Variants in CTNNA2 observed in about 807,000 individuals in gnomAD.
CTNNA2 encodes catenin alpha-2.
Under a neutral mutation model 101.0 loss-of-function variants are expected in CTNNA2, and 42 were observed. The observed-to-expected ratio is 0.42, with a 90% confidence interval of 0.32 to 0.54. The LOEUF is 0.54. Ranked by LOEUF, CTNNA2 falls within the 20% of genes least tolerant of loss-of-function variation. CTNNA2 has a pLI of 0.14. For synonymous variants in CTNNA2, 450 were observed against 456.4 expected, an observed-to-expected ratio of 0.99 and a Z score of 0.18; for missense variants, 871 against 1,223.1, an observed-to-expected ratio of 0.71 and a Z score of 4.29.
chr2:79,728,499 C>T lies in CTNNA2; in HGVS notation c.103-15888C>T, dbSNP rs192251715. ...AGCCCTTTGTCAGATGAGTAGATTGCGAAAATTGTCTCCCATTTTGTAGGT... is the reference window on the plus strand; with the variant it reads ...AGCCCTTTGTCAGATGAGTAGATTGTGAAAATTGTCTCCCATTTTGTAGGT... On this transcript the variant is annotated intron_variant, in intron 2 of 18. Coordinates refer to ENST00000402739, the MANE Select transcript of CTNNA2 (RefSeq NM_001282597.3). 1.6e-3 allele frequency among the ~76,000 whole-genome samples: 237 copies of T among 152,176 alleles called. 2 individuals are homozygous for T. Among genetic ancestry groups the T allele is most frequent in the East Asian group, 7.7e-4 (4 of 5,164 alleles).
chr2:80,160,048 A>T (rs2121307), intron 7 of CTNNA2, among the ~76,000 whole-genome samples: 21,187 of 152,124 alleles, frequency 0.14, 3,699 homozygotes, highest in African/African-American at 0.41. Context: ...CCTATGGAGA[A>T]CCAATTGCTC....
intron 7 of CTNNA2, among the ~76,000 whole-genome samples, chr2:80,010,008 C>A (rs984447658): frequency 6.6e-6 from 1 of 152,092 alleles, no homozygotes; most frequent in African/African-American, 2.4e-5. Context: ...ATAAAATTGC[C>A]ACCTACCTCC....
chr2:79,915,090 G>C (rs570730863), intron 7 of CTNNA2, among the ~76,000 whole-genome samples: 208 of 151,884 alleles, frequency 1.4e-3, no homozygotes, highest in Non-Finnish European at 2.4e-3. Context: ...CACTAGATGA[G>C]TAATACATGA....
chr2:79,953,209 A>G (rs897771007), intron 7 of CTNNA2, among the ~76,000 whole-genome samples: 1 of 152,124 alleles, frequency 6.6e-6, no homozygotes, highest in Non-Finnish European at 1.5e-5. Flanking sequence ...CTCTTCTGGA[A>G]GGTAGATTCC....
chr2:80,323,269 C>T (rs1281655742), intron 7 of CTNNA2, among the ~76,000 whole-genome samples: 2 of 152,188 alleles, frequency 1.3e-5, no homozygotes, highest in African/African-American at 4.8e-5. Context: ...TGTAATAGGG[C>T]TCCGAACAGG....
At chr2:80,263,277 A>G (rs1672755406) in intron 7 of CTNNA2, among the ~76,000 whole-genome samples, 1 of 152,226 alleles carries the variant, frequency 6.6e-6, no homozygotes, top group African/African-American at 2.4e-5. Context: ...ACTATTCTGC[A>G]CACGAGGAAA....
intron 7 of CTNNA2, among the ~76,000 whole-genome samples, chr2:80,391,665 C>T (rs1677530710): frequency 6.6e-6 from 1 of 152,192 alleles, no homozygotes; most frequent in Non-Finnish European, 1.5e-5. Context: ...TGTGGCAGAT[C>T]TGAACTTGGA....
chr2:80,236,576 C>G (rs1253899141), intron 7 of CTNNA2, among the ~76,000 whole-genome samples: 1 of 152,114 alleles, frequency 6.6e-6, no homozygotes, highest in Non-Finnish European at 1.5e-5. Context: ...ACAAGGGATA[C>G]TGGGAAATGT....
At chr2:80,377,457 A>G (rs1376918532) in intron 7 of CTNNA2, among the ~76,000 whole-genome samples, 1 of 152,208 alleles carries the variant, frequency 6.6e-6, no homozygotes. Context: ...TCTGCAGATG[A>G]GAACTGAGAT....
At chr2:79,793,914 A>G (rs925128629) in intron 3 of CTNNA2, among the ~76,000 whole-genome samples, 2 of 150,248 alleles carry the variant, frequency 1.3e-5, no homozygotes, top group Non-Finnish European at 1.5e-5. Flanking sequence ...ACACACACAC[A>G]CACACAGAAG....
chr2:79,854,617 G>A lies in CTNNA2; in HGVS notation c.299-3396G>A, dbSNP rs575822138. Among the ~76,000 whole-genome samples, 6 of 152,264 alleles carry A rather than the reference G, an allele frequency of 3.9e-5. No homozygotes were observed. In the East Asian group the frequency reaches 9.7e-4, roughly 25 times the overall value. ...TTATATAATAAGCCTTTATATAGAAGCACTACATACATGTTAAAATTGTTA... is the reference window on the plus strand; with the variant it reads ...TTATATAATAAGCCTTTATATAGAAACACTACATACATGTTAAAATTGTTA... On this transcript the variant is annotated intron_variant, in intron 3 of 18. Coordinates refer to ENST00000402739, the MANE Select transcript of CTNNA2 (RefSeq NM_001282597.3).
intron 9 of CTNNA2, among the ~76,000 whole-genome samples, chr2:80,450,957 T>C (rs1421247927): frequency 6.6e-6 from 1 of 151,162 alleles, no homozygotes; most frequent in Non-Finnish European, 1.5e-5. Context: ...ATTAATAACC[T>C]CCTGACCATT....
intron 7 of CTNNA2, among the ~76,000 whole-genome samples, chr2:80,333,648 G>C (rs368936202): frequency 2.0e-5 from 3 of 151,940 alleles, no homozygotes; most frequent in Admixed American, 6.6e-5. Context: ...GGGAGGTGGT[G>C]GGGGGGATGG....
At chr2:80,555,563 C>G in intron 11 of CTNNA2, 130 bp from the exon 12 acceptor site, 1 of 466,112 alleles carries the variant, frequency 2.1e-6, no homozygotes, top group Non-Finnish European at 3.7e-6. Context: ...CCTTTACATA[C>G]AATTTTAGTA....
chr2:80,258,064 G>A (rs970474189), intron 7 of CTNNA2, among the ~76,000 whole-genome samples: 28 of 152,322 alleles, frequency 1.8e-4, no homozygotes, highest in African/African-American at 6.5e-4. Flanking sequence ...TTCCTGAAGT[G>A]TGTGGTTTTA....
chr2:80,403,836 C>T (rs182298013), intron 8 of CTNNA2, among the ~76,000 whole-genome samples: 2 of 152,046 alleles, frequency 1.3e-5, no homozygotes, highest in African/African-American at 2.4e-5. Flanking sequence ...TGAATTTTGT[C>T]GAAGATATTT....
Position 79,473,444 on chromosome 2 carries a change from GCA to G in CTNNA2, c.-134-31596_-134-31595del, listed in dbSNP as rs372187559. 5.3e-5 allele frequency among the ~76,000 whole-genome samples: 8 copies of G among 150,394 alleles called. No homozygotes were observed. The South Asian group carries it at 1.5e-3, about 28-fold the overall frequency. The stretch of plus-strand genomic sequence containing the variant: ...CTCTCTCACATGTACACACACAAAT[GCA>G]CACACACACACACCATATTCACTGC... On this transcript the variant is annotated intron_variant, in intron 4 of 21. Transcript: ENST00000466387.
At chr2:79,577,639 A>G (rs1675882558) in intron 1 of CTNNA2, among the ~76,000 whole-genome samples, 1 of 152,038 alleles carries the variant, frequency 6.6e-6, no homozygotes. Context: ...TAAAATGTTA[A>G]TTACTTTGGT....
intron 7 of CTNNA2, among the ~76,000 whole-genome samples, chr2:80,132,104 T>C (rs1205353713): frequency 6.6e-6 from 1 of 152,054 alleles, no homozygotes; most frequent in Non-Finnish European, 1.5e-5. Flanking sequence ...TATATAAATA[T>C]ATCTTGTGCA....
Sources: allele counts gnomAD v4.1 joint callset (sites outside exome capture counted in the v4.1 genomes callset), GRCh38; gene constraint gnomAD v4.1.1; transcripts MANE v1.5; gene names NCBI Gene and HGNC (gene_info 2026-07-23, HGNC 2026-07-21).